SDHC: variants seen among roughly 807,000 people sequenced by gnomAD.
The protein encoded by SDHC is succinate dehydrogenase complex subunit C, also known as succinate dehydrogenase cytochrome b560 subunit, mitochondrial.
Under a neutral mutation model 22.6 loss-of-function variants are expected in SDHC, and 11 were observed. The ratio of observed to expected loss-of-function variants is 0.49; its 90% CI spans 0.31 to 0.81. The LOEUF is 0.81. Ranked by LOEUF, SDHC falls within the 30% of genes least tolerant of loss-of-function variation. The pLI is 0.05. For missense variants in SDHC, 160 were observed against 212.0 expected, an observed-to-expected ratio of 0.75 and a Z score of 1.52; for synonymous variants, 80 against 77.8, an observed-to-expected ratio of 1.03 and a Z score of -0.15.
chr1:161,327,537 A>T (rs1558166745), intron 2 of SDHC, among the ~76,000 whole-genome samples: 1 of 152,076 alleles, frequency 6.6e-6, no homozygotes, highest in Non-Finnish European at 1.5e-5. Context: ...GTGCCTTGCT[A>T]GTTTTAAGAT....
Position 161,362,680 on chromosome 1 carries a change from C to G in SDHC, c.*247C>G, listed in dbSNP as rs540126021. 6.1e-3 allele frequency: 4,204 copies of G among 687,404 alleles called. 114 individuals carry two copies. In the African/African-American group the frequency reaches 0.068, roughly 11 times the overall value. 42.6% of individuals were successfully genotyped at this position (687,404 alleles called of 1,614,324 possible). A position where few individuals can be genotyped will look rare whatever the true frequency, so the allele number is the denominator to read the frequency against. On this transcript the variant is annotated 3_prime_UTR_variant, in exon 6 of 6. Coordinates refer to ENST00000367975, the MANE Select transcript of SDHC (RefSeq NM_003001.5). ...CCCTTTTTTGCCCACAGCTTGCCTA[C>G]TCTCGGCCTAGAAGCAGTTATTCTC...
At chr1:161,335,366 C>G (rs888628477) in intron 3 of SDHC, among the ~76,000 whole-genome samples, 3 of 152,136 alleles carry the variant, frequency 2.0e-5, no homozygotes, top group Non-Finnish European at 4.4e-5. Flanking sequence ...CTTTGAAACT[C>G]TAAATATTCT....
intron 4 of SDHC, among the ~76,000 whole-genome samples, chr1:161,353,112 T>G (rs1166590259): frequency 1.3e-5 from 2 of 152,226 alleles, no homozygotes; most frequent in African/African-American, 4.8e-5. Flanking sequence ...TTCTGTATTA[T>G]TCATAGGAAA....
intron 1 of SDHC, among the ~76,000 whole-genome samples, chr1:161,321,141 C>T (rs193122277): frequency 4.1e-4 from 63 of 152,286 alleles, no homozygotes; most frequent in Middle Eastern, 3.4e-3. Context: ...TGATTTTTTA[C>T]TTCCCAATGT....
At chr1:161,340,544 A>G (rs1447326915) in intron 3 of SDHC, 50 bp from the exon 4 acceptor site, 11 of 1,486,300 alleles carry the variant, frequency 7.4e-6, no homozygotes, top group South Asian at 1.1e-5. Flanking sequence ...ACTCTCTACT[A>G]TGGTGTCATC....
intron 3 of SDHC, among the ~76,000 whole-genome samples, chr1:161,331,966 T>TTTTG (rs961564940): frequency 4.6e-5 from 7 of 152,088 alleles, no homozygotes; most frequent in African/African-American, 9.6e-5. Flanking sequence ...AGTCCTGTTT[T>TTTTG]TTTGTTTGTT....
At chr1:161,357,584 A>G (rs1259954619) in intron 5 of SDHC, among the ~76,000 whole-genome samples, 3 of 151,806 alleles carry the variant, frequency 2.0e-5, no homozygotes, top group Non-Finnish European at 4.4e-5. Context: ...TATTTTTAGT[A>G]GAGATGGGGT....
chr1:161,333,552 C>T (rs561066981), intron 3 of SDHC, among the ~76,000 whole-genome samples: 1 of 152,156 alleles, frequency 6.6e-6, no homozygotes, highest in East Asian at 1.9e-4. Context: ...TACAGGCATG[C>T]GCCACCGCGC....
At chr1:161,344,817 G>A (rs193119845) in intron 4 of SDHC, among the ~76,000 whole-genome samples, 1 of 152,264 alleles carries the variant, frequency 6.6e-6, no homozygotes, top group East Asian at 1.9e-4. Flanking sequence ...ATGGAAACAA[G>A]GATGAAAAAC....
intron 3 of SDHC, among the ~76,000 whole-genome samples, chr1:161,339,272 TC>T (rs1045855877): frequency 5.3e-5 from 8 of 151,552 alleles, no homozygotes; most frequent in Non-Finnish European, 1.2e-4. Flanking sequence ...AGTCTGGAGT[TC>T]CTGGCCTCAA....
In SDHC at chr1:161,362,628, C is replaced by G; in HGVS notation, c.*195C>G. On this transcript the variant is annotated 3_prime_UTR_variant, in exon 6 of 6. Transcript: ENST00000367975. ...AAAGGGTCTAGTTTTCCCCTTGTTT[C>G]TAAAGATGAGGTGGCTGCAAAAACT... 4 of 1,581,194 alleles carry G rather than the reference C, an allele frequency of 2.5e-6. No individual in the cohort carries two copies. In the African/African-American group the frequency reaches 4.0e-5, roughly 16 times the overall value.
chr1:161,329,001 G>A (rs1255155342), intron 3 of SDHC, among the ~76,000 whole-genome samples: 2 of 151,926 alleles, frequency 1.3e-5, no homozygotes, highest in African/African-American at 2.4e-5. Context: ...TCTGCCTCCC[G>A]GGTTCAAGCG....
intron 2 of SDHC, among the ~76,000 whole-genome samples, chr1:161,325,020 G>T (rs1670996905): frequency 6.6e-6 from 1 of 152,060 alleles, no homozygotes; most frequent in Non-Finnish European, 1.5e-5. Flanking sequence ...GGGCAACAGA[G>T]AGAGACCCAG....
chr1:161,325,934 C>T (rs1161353916), intron 2 of SDHC, among the ~76,000 whole-genome samples: 5 of 151,996 alleles, frequency 3.3e-5, no homozygotes, highest in Non-Finnish European at 7.4e-5. Context: ...GGCACGGTAG[C>T]CATGCCTGTA....
intron 5 of SDHC, among the ~76,000 whole-genome samples, chr1:161,359,970 C>T (rs1051243270): frequency 3.3e-5 from 5 of 152,042 alleles, no homozygotes; most frequent in Non-Finnish European, 7.4e-5. Context: ...CTGCTTGACT[C>T]CTAATCTCCT....
chr1:161,328,416 C>G lies in SDHC; in HGVS notation c.98C>G (p.Thr33Arg). Residue 33 changes from threonine to arginine, a missense_variant, in exon 3 of 6, where the codon ACG becomes AGG. Around this residue, in one of 2 missense-constraint regions of SDHC, gnomAD observed 86 missense variants for 83.4 expected, o/e 1.03. Transcript: ENST00000367975. ...CIRNAVPLGT[T>R]AKEEMERFWN... ...TTTAGTGCTGTTCCTTTGGGAACCA[C>G]GGCCAAAGAAGAGATGGAGCGGTTC... 1 of 1,612,918 alleles carries G rather than the reference C, an allele frequency of 6.2e-7. No homozygotes were observed. Among genetic ancestry groups the G allele is most frequent in the South Asian group, 1.1e-5 (1 of 91,058 alleles).
In SDHC at chr1:161,361,432, A is replaced by G. The variant is rs546384826; in HGVS notation, c.406-897A>G. ...TCTAGATCTCAGAGTATCCTTTAGA[A>G]TACTAGTCCTCTGATAAATAGAGTT... On this transcript the variant is annotated intron_variant, in intron 5 of 5. Coordinates refer to ENST00000367975, the MANE Select transcript of SDHC (RefSeq NM_003001.5). Among the ~76,000 whole-genome samples the G allele has an allele frequency of 3.3e-5, 5 of 152,264 alleles. No individual in the cohort carries two copies. The South Asian group carries it at 1.0e-3, about 32-fold the overall frequency.
intron 2 of SDHC, among the ~76,000 whole-genome samples, chr1:161,324,064 G>A (rs1249430182): frequency 3.3e-5 from 5 of 152,124 alleles, no homozygotes; most frequent in East Asian, 1.9e-4. Context: ...GGATATGTAC[G>A]ACAGTGGGCA....
At chr1:161,343,957 A>G (rs1188345961) in intron 4 of SDHC, among the ~76,000 whole-genome samples, 5 of 152,086 alleles carry the variant, frequency 3.3e-5, no homozygotes, top group Non-Finnish European at 4.4e-5. Context: ...CACACCTGTA[A>G]TCCCAGCACT....
Sources: gnomAD v4.1 joint callset for allele counts (sites outside exome capture counted in the v4.1 genomes callset) on GRCh38, gnomAD v4.1.1 for gene constraint, gnomAD v4.1.1 regional missense constraint, MANE v1.5 for transcripts, NCBI Gene and HGNC (gene_info 2026-07-23, HGNC 2026-07-21) for gene names.